Variants in UTP20 observed in about 807,000 individuals in gnomAD.
UTP20 encodes the protein UTP20 small subunit processome component.
A neutral mutation model predicts 329.5 loss-of-function variants in UTP20; 164 were observed. The observed-to-expected ratio is 0.50, with a 90% CI of 0.44 to 0.57. The LOEUF (loss-of-function observed/expected upper bound fraction) is 0.57. Among genes scored for constraint, UTP20 ranks in the 20% least tolerant of loss-of-function variants. UTP20 has a pLI of 0.00. For missense variants in UTP20, 3,055 were observed against 3,284.2 expected (o/e 0.93, Z 1.71); for synonymous variants, 1,151 against 1,159.3 (o/e 0.99, Z 0.14).
intron 27 of UTP20, among the ~76,000 whole-genome samples, chr12:101,332,279 G>T (rs941699776): frequency 6.6e-6 from 1 of 152,216 alleles, no homozygotes; most frequent in Non-Finnish European, 1.5e-5. Context: ...GGAGGTTGCG[G>T]TGAGCCCAGA....
chr12:101,309,057 G>T (rs1310507550), intron 18 of UTP20, among the ~76,000 whole-genome samples: 4 of 152,102 alleles, frequency 2.6e-5, no homozygotes, highest in African/African-American at 9.7e-5. Context: ...TTATATCAGG[G>T]TTTTCATTCC....
At chr12:101,345,445 A>G (rs1006510776) in intron 36 of UTP20, 109 bp from the exon 37 acceptor site, 1 of 764,930 alleles carries the variant, frequency 1.3e-6, no homozygotes, top group Non-Finnish European at 2.0e-6. Flanking sequence ...TTTTTTTTTA[A>G]CAGTGGAAAT....
chr12:101,383,180 C>T lies in UTP20; in HGVS notation c.7796C>T (p.Ala2599Val), dbSNP rs201781455. 95 of 1,613,886 alleles carry T rather than the reference C, an allele frequency of 5.9e-5. No homozygotes were observed. The highest frequency in any genetic ancestry group is 1.3e-4 in the East Asian group (6 of 44,872). ...GGTGTGGCCTGTGCAGATGAGAAGG[C>T]GGAGTCTGACGGAGAAGAGAAGGAA... Reference protein sequence around the residue: ...EDGVACADEKAESDGEEKEEV... With the variant: ...EDGVACADEKVESDGEEKEEV... Residue 2599 changes from alanine (A) to valine (V), a missense_variant, in exon 59 of 62, where the codon GCG becomes GTG. Coordinates refer to ENST00000261637, the MANE Select transcript of UTP20 (RefSeq NM_014503.3).
chr12:101,367,234 A>G (rs1445105583), intron 47 of UTP20, among the ~76,000 whole-genome samples: 2 of 152,184 alleles, frequency 1.3e-5, no homozygotes, highest in African/African-American at 4.8e-5. Context: ...GCAGTGAGCT[A>G]TTAACGCACC....
chr12:101,350,867 G>T (rs888261698), intron 38 of UTP20, among the ~76,000 whole-genome samples: 5 of 152,078 alleles, frequency 3.3e-5, no homozygotes, highest in Admixed American at 6.5e-5. Flanking sequence ...GGCTTGCTCT[G>T]TGCAGCTTTC....
intron 40 of UTP20, among the ~76,000 whole-genome samples, chr12:101,353,675 G>T (rs879543055): frequency 6.6e-6 from 1 of 152,060 alleles, no homozygotes; most frequent in Non-Finnish European, 1.5e-5. Context: ...CTGCCTTCTG[G>T]CTTGGGTGAC....
In UTP20 at chr12:101,361,971, C is replaced by T. The variant is rs1255736818; in HGVS notation, c.5701C>T (p.Leu1901=). Residue 1901 remains leucine, a synonymous_variant, in exon 44 of 62, where the codon CTG becomes TTG. Coordinates refer to ENST00000261637, the MANE Select transcript of UTP20 (RefSeq NM_014503.3). ...TLVRGYQVHV[L]TFTVHMLLQG... The stretch of plus-strand genomic sequence containing the variant: ...GTGTGTCTCATGTTAGGTCCATGTG[C>T]TGACTTTCACCGTTCACATGCTGCT... 6.2e-7 allele frequency: 1 copy of T among 1,613,398 alleles called. No homozygotes were observed.
At chr12:101,289,710 T>C (rs1872077888) in intron 6 of UTP20, among the ~76,000 whole-genome samples, 1 of 152,166 alleles carries the variant, frequency 6.6e-6, no homozygotes, top group Non-Finnish European at 1.5e-5. Flanking sequence ...TCTAATAGTT[T>C]CCTGGAAGTA....
chr12:101,296,496 G>A (rs1027161518), intron 12 of UTP20, among the ~76,000 whole-genome samples: 1 of 149,660 alleles, frequency 6.7e-6, no homozygotes, highest in Admixed American at 6.7e-5. Flanking sequence ...GCGTGAACCC[G>A]GGAGGTGGAG....
chr12:101,346,668 G>T, intron 38 of UTP20, 80 bp downstream of exon 38: 1 of 1,395,022 alleles, frequency 7.2e-7, no homozygotes, highest in South Asian at 1.6e-5. Context: ...GGAGTTGGTG[G>T]TGTTTGTGTT....
chr12:101,300,472 C>T (rs1396785497), intron 14 of UTP20, among the ~76,000 whole-genome samples: 3 of 152,118 alleles, frequency 2.0e-5, no homozygotes, highest in Admixed American at 1.3e-4. Flanking sequence ...CCATGTGTTT[C>T]CTCTGCATGG....
At chr12:101,381,308 G>A in intron 58 of UTP20, 97 bp downstream of exon 58, 1 of 1,033,492 alleles carries the variant, frequency 9.7e-7, no homozygotes, top group Non-Finnish European at 1.5e-6. Flanking sequence ...GAGGCGGCCA[G>A]ATCACCCCGA....
chr12:101,320,065 C>T (rs567753362), intron 23 of UTP20, among the ~76,000 whole-genome samples: 2 of 152,136 alleles, frequency 1.3e-5, no homozygotes, highest in Non-Finnish European at 2.9e-5. Flanking sequence ...TTCAGATAAG[C>T]TTGCAGAAAA....
In UTP20 at chr12:101,285,651, G is replaced by A. The variant is rs377197428; in HGVS notation, c.193+15G>A. On this transcript the variant is annotated intron_variant, in intron 3 of 61. Transcript: ENST00000261637. ...AGAACACTTCGGTATTTTCTATTTC[G>A]TTTCTATTTTATTCACCCATAGTTT... 22 of 1,613,390 alleles carry A rather than the reference G, an allele frequency of 1.4e-5. No homozygotes were observed. In the East Asian group the frequency reaches 2.2e-4, roughly 16 times the overall value.
intron 57 of UTP20, among the ~76,000 whole-genome samples, chr12:101,379,762 G>C (rs1870583829): frequency 6.6e-6 from 1 of 152,126 alleles, no homozygotes; most frequent in African/African-American, 2.4e-5. Flanking sequence ...TAGACCATTA[G>C]TGTAGTCAGA....
In UTP20 at chr12:101,327,031, CAT is replaced by C. The variant is rs149680613; in HGVS notation, c.3042-47_3042-46del. ...AGCCTTTTAGGCAAATAAAACAACT[CAT>C]ATTTTAGAATTAATGTGCAAACAAA... On this transcript the variant is annotated intron_variant, in intron 25 of 61. Coordinates refer to ENST00000261637, the MANE Select transcript of UTP20 (RefSeq NM_014503.3). 4.0e-3 allele frequency: 6,122 copies of C among 1,535,240 alleles called. 229 individuals carry two copies. In the African/African-American group the frequency reaches 0.076, roughly 19 times the overall value.
intron 58 of UTP20, among the ~76,000 whole-genome samples, 186 bp downstream of exon 58, chr12:101,381,397 T>C (rs1870642080): frequency 6.6e-6 from 1 of 152,094 alleles, no homozygotes; most frequent in Non-Finnish European, 1.5e-5. Context: ...TAGCAGGGCA[T>C]GGTTGCGGGT....
intron 35 of UTP20, among the ~76,000 whole-genome samples, chr12:101,344,055 T>C (rs541697247): frequency 6.6e-6 from 1 of 152,350 alleles, no homozygotes; most frequent in Non-Finnish European, 1.5e-5. Context: ...TGGCATTTTA[T>C]AGTTATTCAT....
intron 25 of UTP20, among the ~76,000 whole-genome samples, chr12:101,324,199 C>G (rs1254759167): frequency 1.3e-5 from 2 of 149,762 alleles, no homozygotes; most frequent in African/African-American, 2.5e-5. Context: ...TAAACTTTCT[C>G]TACTGATTTG....
Sources: allele counts gnomAD v4.1 joint callset (sites outside exome capture counted in the v4.1 genomes callset), GRCh38; gene constraint gnomAD v4.1.1; transcripts MANE v1.5; gene names NCBI Gene and HGNC (gene_info 2026-07-23, HGNC 2026-07-21).